The following ZNF407 variants were observed in gnomAD, a reference collection of about 807,000 sequenced individuals.
The protein encoded by ZNF407 is zinc finger protein 407.
Under a neutral mutation model 131.2 loss-of-function variants are expected in ZNF407, and 17 were observed. The observed-to-expected ratio is 0.13, with a 90% CI of 0.09 to 0.19. ZNF407 has a LOEUF of 0.19. Ranked by LOEUF, ZNF407 falls within the 10% of genes least tolerant of loss-of-function variation. The probability of loss-of-function intolerance (pLI) is 1.00; values close to 1 mark genes in which losing one functional copy is unlikely to be tolerated. For missense variants in ZNF407, 2,681 were observed against 2,830.6 expected, an observed-to-expected ratio of 0.95 and a Z score of 1.20; for synonymous variants, 1,156 against 1,062.0, an observed-to-expected ratio of 1.09 and a Z score of -1.72.
intron 3 of ZNF407, among the ~76,000 whole-genome samples, chr18:74,711,381 G>A (rs909595398): frequency 1.3e-5 from 2 of 152,182 alleles, no homozygotes; most frequent in African/African-American, 4.8e-5. Flanking sequence ...GGGGCCCAAT[G>A]TGATCACAAG....
At chr18:74,878,304 A>T (rs747485984) in intron 5 of ZNF407, among the ~76,000 whole-genome samples, 10 of 152,178 alleles carry the variant, frequency 6.6e-5, no homozygotes, top group Admixed American at 2.6e-4. Flanking sequence ...AAAATAATAC[A>T]TTTTAATCAG....
chr18:74,631,108 A>G lies in ZNF407; in HGVS notation c.89A>G (p.Asn30Ser), dbSNP rs1450137742. 1 of 1,613,936 alleles carries G rather than the reference A, an allele frequency of 6.2e-7. No homozygotes were observed. The highest frequency in any genetic ancestry group is 1.1e-5 in the South Asian group (1 of 91,080). The change falls in exon 2 of 9, where the codon AAT (asparagine) becomes AGT (serine). Residue 30 changes from asparagine to serine, a missense_variant. Around this residue, in one of 6 missense-constraint regions of ZNF407, gnomAD observed 1,789 missense variants for 1,748.7 expected, o/e 1.02. Transcript: ENST00000299687. The stretch of plus-strand genomic sequence containing the variant: ...GACTTGACAAAGCTTTCATCCCATA[A>G]TGAAGACGGTGGGCCTGTATCTGAT... ...AQDLTKLSSH[N>S]EDGGPVSDVI...
chr18:74,915,603 C>T (rs1488066508), intron 7 of ZNF407, among the ~76,000 whole-genome samples: 1 of 100,510 alleles, frequency 9.9e-6, no homozygotes, highest in Non-Finnish European at 1.9e-5. Flanking sequence ...AGGTTGTGTG[C>T]AGCATTGGTT....
chr18:75,015,953 T>C (rs1973039219), intron 8 of ZNF407, among the ~76,000 whole-genome samples: 1 of 151,976 alleles, frequency 6.6e-6, no homozygotes, highest in Admixed American at 6.6e-5. Flanking sequence ...TGGCAAGAAA[T>C]AAAACAGACC....
At chr18:74,833,538 T>C (rs544971619) in intron 4 of ZNF407, among the ~76,000 whole-genome samples, 2 of 152,134 alleles carry the variant, frequency 1.3e-5, no homozygotes, top group East Asian at 3.9e-4. Flanking sequence ...CTGGGAAGCA[T>C]ACTTGAGCCT....
intron 8 of ZNF407, among the ~76,000 whole-genome samples, chr18:74,969,450 A>G (rs1972446678): frequency 6.6e-6 from 1 of 152,146 alleles, no homozygotes; most frequent in South Asian, 2.1e-4. Context: ...GCCTAATGTT[A>G]TGGGCCATGG....
chr18:74,876,137 T>A (rs1252622240), intron 4 of ZNF407, among the ~76,000 whole-genome samples: 2 of 152,242 alleles, frequency 1.3e-5, no homozygotes, highest in African/African-American at 4.8e-5. Flanking sequence ...CATCTCCTTA[T>A]TCATATCATA....
intron 3 of ZNF407, among the ~76,000 whole-genome samples, chr18:74,779,550 G>T (rs1215800674): frequency 4.6e-5 from 7 of 152,046 alleles, no homozygotes; most frequent in Non-Finnish European, 1.5e-5. Flanking sequence ...ACACAATTGA[G>T]CTGTGTTATA....
At chr18:74,765,128 T>A (rs1034301712) in intron 3 of ZNF407, among the ~76,000 whole-genome samples, 1 of 152,164 alleles carries the variant, frequency 6.6e-6, no homozygotes, top group Non-Finnish European at 1.5e-5. Flanking sequence ...GAGTTTGGTA[T>A]CTGCAGAGGG....
intron 8 of ZNF407, among the ~76,000 whole-genome samples, chr18:75,019,051 A>T (rs1291808809): frequency 6.6e-6 from 1 of 152,170 alleles, no homozygotes; most frequent in East Asian, 1.9e-4. Context: ...AGTATTAGAA[A>T]TCCCTCAATT....
Position 74,738,374 on chromosome 18 carries a change from C to T in ZNF407, c.4803-43054C>T, listed in dbSNP as rs564625540. On this transcript the variant is annotated intron_variant, in intron 3 of 8. Transcript: ENST00000299687. ...GGCGGAGGCTGCAGTGAGCCAAGAT[C>T]GTGGCACTGCACTCCAGCCTGGACG... 5.1e-5 allele frequency among the ~76,000 whole-genome samples: 6 copies of T among 118,632 alleles called. No homozygotes were observed. In the South Asian group the frequency reaches 1.1e-3, roughly 21 times the overall value. 77.8% of individuals were successfully genotyped at this position (118,632 alleles called of 152,430 possible). A position where few individuals can be genotyped will look rare whatever the true frequency, so the allele number is the denominator to read the frequency against.
intron 3 of ZNF407, among the ~76,000 whole-genome samples, chr18:74,765,109 G>C (rs1348842767): frequency 6.6e-6 from 1 of 152,118 alleles, no homozygotes; most frequent in Non-Finnish European, 1.5e-5. Flanking sequence ...AGGGACTTGA[G>C]CATGGATGGA....
At chr18:75,033,027 T>C (rs962881155) in intron 8 of ZNF407, among the ~76,000 whole-genome samples, 1 of 127,160 alleles carries the variant, frequency 7.9e-6, no homozygotes, top group Non-Finnish European at 1.6e-5. Flanking sequence ...AAGATAGTAT[T>C]AGATAACTAA....
At chr18:74,835,629 G>GGTGTGTGTGTTTGTGT (rs1555693409) in intron 4 of ZNF407, among the ~76,000 whole-genome samples, 1 of 92,144 alleles carries the variant, frequency 1.1e-5, no homozygotes, top group Non-Finnish European at 2.2e-5. Context: ...GACAGAGGGG[G>GGTGTGTGTGTTTGTGT]GTGTGTGTGT....
chr18:74,869,021 A>G (rs762595139), intron 4 of ZNF407, among the ~76,000 whole-genome samples: 4 of 152,238 alleles, frequency 2.6e-5, no homozygotes, highest in Non-Finnish European at 5.9e-5. Context: ...TAGCTGAACT[A>G]TAATAATTTG....
chr18:75,008,555 A>G (rs1402271551), intron 8 of ZNF407, among the ~76,000 whole-genome samples: 1 of 152,192 alleles, frequency 6.6e-6, no homozygotes, highest in African/African-American at 2.4e-5. Flanking sequence ...AGCGTTGCAA[A>G]TATGGTTGCA....
At chr18:74,801,657 C>T (rs995517773) in intron 4 of ZNF407, among the ~76,000 whole-genome samples, 3 of 152,134 alleles carry the variant, frequency 2.0e-5, no homozygotes, top group Non-Finnish European at 2.9e-5. Context: ...AGATGCATGT[C>T]GAGGTCTCTT....
chr18:74,731,463 A>C (rs531661408), intron 3 of ZNF407, among the ~76,000 whole-genome samples: 1 of 152,334 alleles, frequency 6.6e-6, no homozygotes, highest in East Asian at 1.9e-4. Context: ...AAAAGTGAAC[A>C]AAAACAATTC....
intron 3 of ZNF407, among the ~76,000 whole-genome samples, chr18:74,645,518 C>T (rs1984929872): frequency 6.6e-6 from 1 of 152,018 alleles, no homozygotes. Context: ...TCTGTGACAT[C>T]TGGGTTCATG....
Sources: gnomAD v4.1 joint callset for allele counts (sites outside exome capture counted in the v4.1 genomes callset) on GRCh38, gnomAD v4.1.1 for gene constraint, gnomAD v4.1.1 regional missense constraint, MANE v1.5 for transcripts, NCBI Gene and HGNC (gene_info 2026-07-23, HGNC 2026-07-21) for gene names.